Variants in ST6GALNAC5 observed in about 807,000 individuals in gnomAD.
The protein encoded by ST6GALNAC5 is alpha-N-acetylgalactosaminide alpha-2,6-sialyltransferase 5.
ST6GALNAC5 carries 27 observed loss-of-function variants against 33.6 expected under a neutral mutation model. That is an observed-to-expected ratio of 0.80 (90% CI 0.59 to 1.11). The LOEUF is 1.11. ST6GALNAC5 is among the 50% of genes least tolerant of loss of function. The pLI is 0.00. For synonymous variants in ST6GALNAC5, 194 were observed against 171.2 expected (o/e 1.13, Z -1.04); for missense variants, 428 against 454.0 (o/e 0.94, Z 0.52).
chr1:76,880,439 T>G (rs896160686), intron 2 of ST6GALNAC5, among the ~76,000 whole-genome samples: 1 of 152,276 alleles, frequency 6.6e-6, no homozygotes, highest in South Asian at 2.1e-4. Context: ...TCTAGAGAGA[T>G]AGAACTAATA....
intron 2 of ST6GALNAC5, among the ~76,000 whole-genome samples, chr1:76,965,594 A>G (rs893311921): frequency 2.0e-5 from 3 of 152,322 alleles, no homozygotes; most frequent in South Asian, 4.1e-4. Flanking sequence ...TTTGCTGTGC[A>G]GAAGCTCTTT....
intron 2 of ST6GALNAC5, among the ~76,000 whole-genome samples, chr1:76,962,258 A>G (rs116579824): frequency 6.6e-6 from 1 of 152,230 alleles, no homozygotes; most frequent in Non-Finnish European, 1.5e-5. Flanking sequence ...GTCTGAAAGT[A>G]GTGTTCATTT....
intron 2 of ST6GALNAC5, among the ~76,000 whole-genome samples, chr1:77,019,403 G>A (rs1650972153): frequency 6.6e-6 from 1 of 152,182 alleles, no homozygotes; most frequent in African/African-American, 2.4e-5. Flanking sequence ...ACTGTGTTCT[G>A]TTCTCATCAT....
intron 2 of ST6GALNAC5, among the ~76,000 whole-genome samples, chr1:76,981,529 C>T (rs1244897567): frequency 1.3e-5 from 2 of 152,234 alleles, no homozygotes; most frequent in Non-Finnish European, 2.9e-5. Context: ...ACAAGACCTA[C>T]TGCCTCTAGA....
intron 2 of ST6GALNAC5, among the ~76,000 whole-genome samples, chr1:76,973,416 TTTA>T (rs144074793): frequency 0.022 from 3,215 of 148,566 alleles, 62 homozygotes; most frequent in African/African-American, 0.055. Flanking sequence ...AGCAGTCAGG[TTTA>T]TTATTATTAT....
At chr1:76,945,981 A>G (rs966829836) in intron 2 of ST6GALNAC5, among the ~76,000 whole-genome samples, 3 of 152,140 alleles carry the variant, frequency 2.0e-5, no homozygotes, top group East Asian at 3.9e-4. Flanking sequence ...TACCGTAAAT[A>G]CTATTAATCC....
At chr1:76,960,868 T>C (rs1366112613) in intron 2 of ST6GALNAC5, among the ~76,000 whole-genome samples, 4 of 152,170 alleles carry the variant, frequency 2.6e-5, no homozygotes, top group African/African-American at 7.2e-5. Context: ...CCAGATTTCA[T>C]ATTGTTCAAA....
chr1:76,914,448 A>ATGTTT (rs1646947691), intron 2 of ST6GALNAC5, among the ~76,000 whole-genome samples: 1 of 152,202 alleles, frequency 6.6e-6, no homozygotes, highest in African/African-American at 2.4e-5. Context: ...CTCTACTACA[A>ATGTTT]GGCTACAGTA....
rs567049559 is a variant in ST6GALNAC5, at chr1:76,902,679, C to T, written c.261+33937C>T. On this transcript the variant is annotated intron_variant, in intron 2 of 4. Transcript: ENST00000477717. ...ACGATAATCAAACATATGTTACTAA[C>T]ATAGGGATAAACATATAGATTAGTG... Among the ~76,000 whole-genome samples the T allele has an allele frequency of 1.2e-4, 19 of 152,212 alleles. 1 individual carries two copies. In the South Asian group the frequency reaches 3.3e-3, roughly 27 times the overall value.
intron 2 of ST6GALNAC5, among the ~76,000 whole-genome samples, chr1:76,999,660 T>G (rs1384668611): frequency 4.1e-5 from 6 of 145,128 alleles, no homozygotes; most frequent in African/African-American, 1.5e-4. Flanking sequence ...CCCACCACAG[T>G]CCCCAGAGTG....
intron 4 of ST6GALNAC5, among the ~76,000 whole-genome samples, chr1:77,056,695 A>G (rs1054669931): frequency 4.6e-5 from 7 of 152,160 alleles, no homozygotes; most frequent in African/African-American, 1.7e-4. Context: ...AATGCCGCCC[A>G]TGTGGTTTAT....
chr1:77,002,795 G>T (rs199525714), intron 2 of ST6GALNAC5, among the ~76,000 whole-genome samples: 25,388 of 148,434 alleles, frequency 0.17, 1,695 homozygotes, highest in Middle Eastern at 0.24. Context: ...ACGTAGTTGA[G>T]TGGTTTTGAG....
chr1:76,930,363 T>C (rs17368577), intron 2 of ST6GALNAC5, among the ~76,000 whole-genome samples: 141,501 of 152,008 alleles, frequency 0.93, 65,921 homozygotes, highest in East Asian at 1. Context: ...GCACCTTCAC[T>C]CAGTAGGTAG....
intron 2 of ST6GALNAC5, among the ~76,000 whole-genome samples, chr1:77,017,524 A>C (rs1291870232): frequency 6.6e-6 from 1 of 152,158 alleles, no homozygotes; most frequent in African/African-American, 2.4e-5. Context: ...CTGTCATCAC[A>C]AGCAAGAGGG....
intron 4 of ST6GALNAC5, among the ~76,000 whole-genome samples, chr1:77,054,578 C>G (rs1652330544): frequency 6.6e-6 from 1 of 152,078 alleles, no homozygotes; most frequent in Non-Finnish European, 1.5e-5. Context: ...ATTATTGTCC[C>G]AAAGAGAATG....
intron 2 of ST6GALNAC5, among the ~76,000 whole-genome samples, chr1:76,944,890 GT>G: frequency 2.6e-5 from 4 of 152,226 alleles, no homozygotes; most frequent in Admixed American, 2.6e-4. Context: ...AAAAAAATGT[GT>G]TTTGAGTAAT....
At chr1:77,024,828 A>C (rs1413163241) in intron 2 of ST6GALNAC5, among the ~76,000 whole-genome samples, 1 of 152,216 alleles carries the variant, frequency 6.6e-6, no homozygotes, top group Non-Finnish European at 1.5e-5. Context: ...CTAACCAGCC[A>C]CAGAGCACCA....
chr1:76,870,707 T>C (rs1394105023), intron 2 of ST6GALNAC5, among the ~76,000 whole-genome samples: 1 of 152,186 alleles, frequency 6.6e-6, no homozygotes, highest in African/African-American at 2.4e-5. Context: ...AATTGTGAAG[T>C]GCTATATGAA....
chr1:76,941,838 TCTTAA>T (rs1647345318), intron 2 of ST6GALNAC5, among the ~76,000 whole-genome samples: 1 of 152,096 alleles, frequency 6.6e-6, no homozygotes, highest in Non-Finnish European at 1.5e-5. Flanking sequence ...ATTTCCCTCG[TCTTAA>T]GCCACCAGGT....
Sources: gnomAD v4.1 joint callset for allele counts (sites outside exome capture counted in the v4.1 genomes callset) on GRCh38, gnomAD v4.1.1 for gene constraint, MANE v1.5 for transcripts, NCBI Gene and HGNC (gene_info 2026-07-23, HGNC 2026-07-21) for gene names.